SGCZ: variants seen among roughly 807,000 people sequenced by gnomAD.
SGCZ encodes zeta-sarcoglycan.
Under a neutral mutation model 41.3 loss-of-function variants are expected in SGCZ, and 40 were observed. That is an observed-to-expected ratio of 0.97 (90% CI 0.75 to 1.26). SGCZ has a LOEUF of 1.26. SGCZ is among the 50% of genes most tolerant of loss of function. The probability of loss-of-function intolerance (pLI) is 0.00; values close to 1 mark genes in which losing one functional copy is unlikely to be tolerated. For missense variants in SGCZ, 552 were observed against 369.8 expected (o/e 1.49, Z -4.04); for synonymous variants, 206 against 137.5 (o/e 1.50, Z -3.49).
At chr8:14,248,421 A>G (rs1233469032) in intron 3 of SGCZ, among the ~76,000 whole-genome samples, 1 of 152,128 alleles carries the variant, frequency 6.6e-6, no homozygotes, top group Non-Finnish European at 1.5e-5. Flanking sequence ...TGTATATGAT[A>G]CACAGTTCAT....
At chr8:14,570,455 T>C (rs908192945) in intron 1 of SGCZ, among the ~76,000 whole-genome samples, 1 of 152,224 alleles carries the variant, frequency 6.6e-6, no homozygotes, top group Non-Finnish European at 1.5e-5. Flanking sequence ...GGTTTATTTA[T>C]GCAAGGGTAG....
intron 2 of SGCZ, among the ~76,000 whole-genome samples, chr8:14,444,067 A>G (rs1800355592): frequency 6.6e-6 from 1 of 152,228 alleles, no homozygotes; most frequent in South Asian, 2.1e-4. Flanking sequence ...AAAAATGCTC[A>G]TCATCACTGG....
intron 1 of SGCZ, among the ~76,000 whole-genome samples, chr8:15,224,108 C>T (rs971286575): frequency 6.6e-6 from 1 of 152,036 alleles, no homozygotes; most frequent in Admixed American, 6.6e-5. Flanking sequence ...TGCCTGCCTT[C>T]GCCTCCCAAA....
At chr8:14,751,214 G>A (rs907443606) in intron 1 of SGCZ, among the ~76,000 whole-genome samples, 7 of 152,108 alleles carry the variant, frequency 4.6e-5, no homozygotes, top group African/African-American at 1.7e-4. Flanking sequence ...CAGTGATAAA[G>A]ATAGACACAG....
intron 1 of SGCZ, among the ~76,000 whole-genome samples, chr8:14,763,089 T>C (rs1328376269): frequency 6.6e-6 from 1 of 152,112 alleles, no homozygotes; most frequent in Admixed American, 6.5e-5. Flanking sequence ...TAAAAATTTG[T>C]TTGTTGCTGG....
chr8:15,097,640 C>T (rs1189496771), intron 1 of SGCZ, among the ~76,000 whole-genome samples: 1 of 150,904 alleles, frequency 6.6e-6, no homozygotes, highest in Non-Finnish European at 1.5e-5. Context: ...CCTGTAGTAC[C>T]AGCTACTGAG....
chr8:14,533,911 G>C (rs1563392201), intron 2 of SGCZ, among the ~76,000 whole-genome samples: 1 of 151,868 alleles, frequency 6.6e-6, no homozygotes, highest in African/African-American at 2.4e-5. Flanking sequence ...AAAGCATGTT[G>C]GTAGAGCTGT....
At chr8:14,609,589 G>C (rs1347176473) in intron 1 of SGCZ, among the ~76,000 whole-genome samples, 1 of 152,076 alleles carries the variant, frequency 6.6e-6, no homozygotes, top group East Asian at 1.9e-4. Context: ...TGATAAAAAT[G>C]CTGTCATGAT....
At chr8:15,076,199 C>T (rs183194050) in intron 1 of SGCZ, among the ~76,000 whole-genome samples, 4 of 152,134 alleles carry the variant, frequency 2.6e-5, no homozygotes, top group Admixed American at 2.0e-4. Context: ...TTTTTCATGA[C>T]TTCTATTTTT....
At chr8:14,496,127 G>T (rs937213600) in intron 2 of SGCZ, among the ~76,000 whole-genome samples, 1 of 98,294 alleles carries the variant, frequency 1.0e-5, no homozygotes, top group African/African-American at 3.7e-5. Context: ...GTGCAGTGGC[G>T]TGATCATGGC....
chr8:14,566,372 A>G (rs1804359774), intron 1 of SGCZ, among the ~76,000 whole-genome samples: 1 of 152,138 alleles, frequency 6.6e-6, no homozygotes, highest in African/African-American at 2.4e-5. Context: ...AATGGCCATC[A>G]TAAGATGGGG....
At chr8:14,720,190 A>T (rs549063022) in intron 1 of SGCZ, among the ~76,000 whole-genome samples, 6 of 152,076 alleles carry the variant, frequency 3.9e-5, no homozygotes, top group Non-Finnish European at 8.8e-5. Flanking sequence ...TACTTGATCA[A>T]TAAATATTTT....
At chr8:14,170,193 GAATCCACACGTACA>G (rs1804335710) in intron 4 of SGCZ, among the ~76,000 whole-genome samples, 1 of 141,950 alleles carries the variant, frequency 7.0e-6, no homozygotes, top group Non-Finnish European at 1.6e-5. Flanking sequence ...CCCCCGCACC[GAATCCACACGTACA>G]AATCCTCAGT....
chr8:14,367,613 A>C (rs1803760212), intron 2 of SGCZ, among the ~76,000 whole-genome samples: 1 of 152,126 alleles, frequency 6.6e-6, no homozygotes, highest in African/African-American at 2.4e-5. Flanking sequence ...GAGGAAAGGT[A>C]CATCTTCCAT....
chr8:14,939,090 G>T lies in SGCZ; in HGVS notation c.39+298495C>A, dbSNP rs114206251. Among the ~76,000 whole-genome samples, 1,157 of 152,160 alleles carry T rather than the reference G, an allele frequency of 7.6e-3. 11 individuals carry two copies. Among genetic ancestry groups the T allele is most frequent in the African/African-American group, 0.026 (1,088 of 41,502 alleles). Reference sequence around the variant, plus strand: ...TTAGCAAACTCATTAAAGAGCTCTAGGACCTTTCCAGGTACTTCAATCTGT... The same window carrying T: ...TTAGCAAACTCATTAAAGAGCTCTATGACCTTTCCAGGTACTTCAATCTGT... On this transcript the variant is annotated intron_variant, in intron 1 of 7. Coordinates refer to ENST00000382080, the MANE Select transcript of SGCZ (RefSeq NM_139167.4).
intron 2 of SGCZ, among the ~76,000 whole-genome samples, chr8:14,495,299 A>G (rs1281111503): frequency 2.6e-5 from 4 of 152,224 alleles, no homozygotes; most frequent in African/African-American, 9.6e-5. Flanking sequence ...TAGAAATTAA[A>G]TCAATACATT....
At chr8:14,333,143 C>T (rs1196891648) in intron 2 of SGCZ, among the ~76,000 whole-genome samples, 1 of 152,008 alleles carries the variant, frequency 6.6e-6, no homozygotes, top group African/African-American at 2.4e-5. Context: ...ATGCAGATTT[C>T]AATGTGCATA....
chr8:14,333,811 G>A (rs1035992965), intron 2 of SGCZ, among the ~76,000 whole-genome samples: 3 of 152,096 alleles, frequency 2.0e-5, no homozygotes, highest in Admixed American at 1.3e-4. Context: ...CAACTCTGAA[G>A]AAAGACCATT....
chr8:14,275,439 T>A (rs1800197038), intron 3 of SGCZ, among the ~76,000 whole-genome samples: 2 of 152,150 alleles, frequency 1.3e-5, no homozygotes, highest in African/African-American at 4.8e-5. Flanking sequence ...CTCCTTTCCC[T>A]TGGCTGGGGC....
Sources: allele counts gnomAD v4.1 joint callset (sites outside exome capture counted in the v4.1 genomes callset), GRCh38; gene constraint gnomAD v4.1.1; transcripts MANE v1.5; gene names NCBI Gene and HGNC (gene_info 2026-07-23, HGNC 2026-07-21).